The following LRRC49 variants were observed in gnomAD, a reference collection of about 807,000 sequenced individuals.
LRRC49 encodes the protein leucine-rich repeat-containing protein 49.
In LRRC49, 50 loss-of-function variants were observed where a neutral mutation model predicts 83.3. The ratio of observed to expected loss-of-function variants is 0.60; its 90% confidence interval spans 0.48 to 0.76. LRRC49 has a LOEUF of 0.76. Ranked by LOEUF, LRRC49 falls within the 30% of genes least tolerant of loss-of-function variation. LRRC49 has a pLI of 0.00. For missense variants in LRRC49, 704 were observed against 809.1 expected, an observed-to-expected ratio of 0.87 and a Z score of 1.58; for synonymous variants, 286 against 283.3, an observed-to-expected ratio of 1.01 and a Z score of -0.10.
chr15:70,892,731 G>T, upstream of LRRC49: 1 of 1,508,226 alleles, frequency 6.6e-7, no homozygotes, highest in South Asian at 1.3e-5. Context: ...TGCAACGACT[G>T]TGTGGCTCTA....
intron 14 of LRRC49, among the ~76,000 whole-genome samples, chr15:71,024,274 C>T (rs79371765): frequency 0.011 from 1,661 of 152,288 alleles, 31 homozygotes; most frequent in African/African-American, 0.037. Flanking sequence ...CTTCATTAAG[C>T]GGGTGCTGGA....
upstream of LRRC49, among the ~76,000 whole-genome samples, chr15:70,889,648 T>C (rs1331526113): frequency 2.0e-5 from 3 of 152,196 alleles, no homozygotes; most frequent in African/African-American, 4.8e-5. Flanking sequence ...GCCCCTTTCT[T>C]TCCTTGGAAG....
Position 71,050,642 on chromosome 15 carries a change from A to G in LRRC49, c.*1030A>G, listed in dbSNP as rs1369328125. The G allele has an allele frequency of 6.6e-6, 1 of 152,158 alleles. No individual in the cohort carries two copies. The highest frequency in any genetic ancestry group is 1.5e-5 in the Non-Finnish European group (1 of 68,032). The allele number at this position is 152,158 out of a possible 1,614,324, so 9.4% of individuals were successfully genotyped here. A position where few individuals can be genotyped will look rare whatever the true frequency, so the allele number is the denominator to read the frequency against. On this transcript the variant is annotated 3_prime_UTR_variant, in exon 16 of 16. Coordinates refer to ENST00000260382, the MANE Select transcript of LRRC49 (RefSeq NM_017691.5). ...CACCAGGATATGGGAAAACAGGACT[A>G]GAAGATGTACGACAGCAAAGACATG...
At chr15:70,854,898 A>G (rs2032613217) in intron 1 of LRRC49, among the ~76,000 whole-genome samples, 1 of 152,224 alleles carries the variant, frequency 6.6e-6, no homozygotes, top group African/African-American at 2.4e-5. Context: ...GTATGCACTC[A>G]GATGTTTGTT....
intron 7 of LRRC49, among the ~76,000 whole-genome samples, chr15:70,935,872 T>TC (rs1204565344): frequency 6.6e-6 from 1 of 151,966 alleles, no homozygotes; most frequent in Non-Finnish European, 1.5e-5. Flanking sequence ...ACCCTTATTC[T>TC]CCCCCTGTAG....
chr15:71,006,564 A>G, intron 11 of LRRC49, among the ~76,000 whole-genome samples: 1 of 152,106 alleles, frequency 6.6e-6, no homozygotes, highest in South Asian at 2.1e-4. Flanking sequence ...TTCTTAAGAT[A>G]TAATACATAC....
chr15:70,940,719 C>T (rs1221304367), intron 8 of LRRC49, among the ~76,000 whole-genome samples: 1 of 152,118 alleles, frequency 6.6e-6, no homozygotes, highest in East Asian at 1.9e-4. Flanking sequence ...TTTACTTTTC[C>T]TTTGTTAGCA....
chr15:71,030,476 A>T (rs922697600), intron 14 of LRRC49, among the ~76,000 whole-genome samples: 1 of 152,082 alleles, frequency 6.6e-6, no homozygotes, highest in African/African-American at 2.4e-5. Context: ...ACCTTGGAGA[A>T]TCTGGGGATT....
intron 14 of LRRC49, among the ~76,000 whole-genome samples, chr15:71,035,079 T>C (rs1478560915): frequency 6.6e-6 from 1 of 152,108 alleles, no homozygotes; most frequent in Non-Finnish European, 1.5e-5. Context: ...TGTTACTCAT[T>C]TTTTTCTTTA....
intron 14 of LRRC49, among the ~76,000 whole-genome samples, chr15:71,016,591 A>G (rs1328000682): frequency 6.6e-6 from 1 of 152,098 alleles, no homozygotes. Flanking sequence ...CTGACGCTCC[A>G]GAAAATCCAA....
At chr15:70,972,894 T>A (rs1338026614) in intron 9 of LRRC49, among the ~76,000 whole-genome samples, 1 of 152,114 alleles carries the variant, frequency 6.6e-6, no homozygotes, top group African/African-American at 2.4e-5. Flanking sequence ...TGTAACCTTT[T>A]TTCAGGGTTC....
chr15:70,993,410 C>A (rs937019628), intron 11 of LRRC49, among the ~76,000 whole-genome samples: 4 of 152,276 alleles, frequency 2.6e-5, no homozygotes, highest in Middle Eastern at 3.4e-3. Context: ...GTCCAACAAG[C>A]CCCAGTAAGA....
chr15:71,034,277 G>GA (rs957064232), intron 14 of LRRC49, among the ~76,000 whole-genome samples: 74 of 152,178 alleles, frequency 4.9e-4, no homozygotes, highest in African/African-American at 1.8e-3. Context: ...ACAAACATAT[G>GA]AAAAAAAGGT....
At chr15:70,940,998 A>T (rs2035795143) in intron 8 of LRRC49, among the ~76,000 whole-genome samples, 1 of 152,184 alleles carries the variant, frequency 6.6e-6, no homozygotes, top group South Asian at 2.1e-4. Flanking sequence ...TAAAAACAAG[A>T]TTTAAAAATA....
intron 11 of LRRC49, among the ~76,000 whole-genome samples, chr15:71,000,707 G>C (rs756658371): frequency 6.6e-6 from 1 of 152,076 alleles, no homozygotes; most frequent in African/African-American, 2.4e-5. Context: ...ATTTACTGCT[G>C]TTTCTACATT....
At chr15:71,018,874 G>T (rs1389051281) in intron 14 of LRRC49, among the ~76,000 whole-genome samples, 1 of 152,124 alleles carries the variant, frequency 6.6e-6, no homozygotes, top group Non-Finnish European at 1.5e-5. Flanking sequence ...CCCTTCTTGG[G>T]GGGTTCTATT....
chr15:71,048,666 C>A, intron 15 of LRRC49: 1 of 403,572 alleles, frequency 2.5e-6, no homozygotes, highest in Admixed American at 3.1e-5. Context: ...ATGTTAAATT[C>A]TTGATTAAAC....
In LRRC49 at chr15:71,035,422, G is replaced by A. The variant is rs932142085; in HGVS notation, c.1704-1757G>A. On this transcript the variant is annotated intron_variant, in intron 14 of 15. Transcript: ENST00000260382. ...GCAGTTTTGTTACATAGGTATACAC[G>A]TGCCATGGTGGTTTGCTCCACCCAT... Among the ~76,000 whole-genome samples, 4 of 151,702 alleles carry A rather than the reference G, an allele frequency of 2.6e-5. No individual in the cohort carries two copies. In the East Asian group the frequency reaches 5.8e-4, roughly 22 times the overall value.
chr15:71,023,015 C>A (rs1174427550), intron 14 of LRRC49, among the ~76,000 whole-genome samples: 1 of 152,114 alleles, frequency 6.6e-6, no homozygotes, highest in Non-Finnish European at 1.5e-5. Context: ...AGGAAATTCC[C>A]ATATATTTGA....
Sources: gnomAD v4.1 joint callset for allele counts (sites outside exome capture counted in the v4.1 genomes callset) on GRCh38, gnomAD v4.1.1 for gene constraint, MANE v1.5 for transcripts, NCBI Gene and HGNC (gene_info 2026-07-23, HGNC 2026-07-21) for gene names.